Variants in AOAH observed in about 807,000 individuals in gnomAD.
AOAH encodes the protein acyloxyacyl hydrolase, also known as acyloxyacyl hydrolase (neutrophil).
AOAH carries 64 observed loss-of-function variants against 92.2 expected under a neutral mutation model. The observed-to-expected ratio is 0.69, with a 90% confidence interval of 0.57 to 0.86. The LOEUF is 0.86. AOAH is among the 40% of genes least tolerant of loss of function. The pLI is 0.00. For missense variants in AOAH, 656 were observed against 694.6 expected, an observed-to-expected ratio of 0.94 and a Z score of 0.62; for synonymous variants, 263 against 254.5, an observed-to-expected ratio of 1.03 and a Z score of -0.32.
At position 36,594,749 on chromosome 7, in the gene AOAH, A is replaced by G. The variant is rs368646687; in HGVS notation, c.847-319T>C. ...TCTTACATTTTCTGAGATTTTCTCC[A>G]TTTTGCAGTTTAGGCCATCAGAAAG... On this transcript the variant is annotated intron_variant, in intron 11 of 20. Transcript: ENST00000617537. 7.2e-5 allele frequency: 27 copies of G among 372,582 alleles called. No homozygotes were observed. The Middle Eastern group carries it at 1.8e-3, about 24-fold the overall frequency. 23.1% of individuals were successfully genotyped at this position (372,582 alleles called of 1,614,324 possible).
chr7:36,715,706 G>C (rs10233529), intron 1 of AOAH, among the ~76,000 whole-genome samples: 62,482 of 121,538 alleles, frequency 0.51, 16,715 homozygotes, highest in East Asian at 0.81. Flanking sequence ...ACAAACCTGA[G>C]AAAAACAGGC....
At chr7:36,522,221 G>T in intron 19 of AOAH, 106 bp from the exon 20 acceptor site, 1 of 967,416 alleles carries the variant, frequency 1.0e-6, no homozygotes, top group South Asian at 1.4e-5. Context: ...GGCCCATGTT[G>T]ACCAAGCCAC....
intron 11 of AOAH, among the ~76,000 whole-genome samples, chr7:36,600,908 T>G (rs1373073416): frequency 6.6e-6 from 1 of 152,172 alleles, no homozygotes; most frequent in African/African-American, 2.4e-5. Flanking sequence ...ATGGAGACCG[T>G]GTCTAATTTA....
At chr7:36,618,196 A>G (rs1170266023) in intron 10 of AOAH, 101 bp downstream of exon 10, 1 of 977,898 alleles carries the variant, frequency 1.0e-6, no homozygotes, top group Non-Finnish European at 1.6e-6. Flanking sequence ...AAATCCTAGC[A>G]TCAAGCACGT....
chr7:36,649,479 A>C (rs1794437674), intron 4 of AOAH, among the ~76,000 whole-genome samples: 1 of 152,216 alleles, frequency 6.6e-6, no homozygotes. Context: ...GGCGCTTGCA[A>C]CTTAGCTCAC....
chr7:36,517,262 C>CTCTTTCTT lies in AOAH; in HGVS notation c.1600-3890_1600-3883dup, dbSNP rs142858220. ...TCTCTCTCTTTCTTTCTGTGTCTCTCTCTTTCTTTCTTTCTTTCTTTCTTT... is the reference window on the plus strand; with the variant it reads ...TCTCTCTCTTTCTTTCTGTGTCTCTCTCTTTCTTTCTTTCTTTCTTTCTTTCTTTCTTT... On this transcript the variant is annotated intron_variant, in intron 20 of 20. Coordinates refer to ENST00000617537, the MANE Select transcript of AOAH (RefSeq NM_001637.4). 1.4e-3 allele frequency among the ~76,000 whole-genome samples: 187 copies of CTCTTTCTT among 132,686 alleles called. 5 individuals are homozygous for CTCTTTCTT. Among genetic ancestry groups the CTCTTTCTT allele is most frequent in the African/African-American group, 5.5e-3 (175 of 31,944 alleles). 87.0% of individuals were successfully genotyped at this position (132,686 alleles called of 152,430 possible). A position where few individuals can be genotyped will look rare whatever the true frequency, so the allele number is the denominator to read the frequency against.
At chr7:36,612,441 C>T (rs1791532470) in intron 11 of AOAH, among the ~76,000 whole-genome samples, 1 of 152,026 alleles carries the variant, frequency 6.6e-6, no homozygotes, top group African/African-American at 2.4e-5. Context: ...TTTTACATCC[C>T]CTATTTTTTG....
chr7:36,663,828 A>G (rs1373933007), intron 3 of AOAH, among the ~76,000 whole-genome samples: 1 of 152,188 alleles, frequency 6.6e-6, no homozygotes, highest in East Asian at 1.9e-4. Flanking sequence ...AGCGGTATGA[A>G]TCCTGGCTTG....
At chr7:36,621,005 C>T (rs959801763) in intron 8 of AOAH, among the ~76,000 whole-genome samples, 176 bp from the exon 9 acceptor site, 5 of 152,176 alleles carry the variant, frequency 3.3e-5, no homozygotes, top group African/African-American at 1.2e-4. Flanking sequence ...CATCAGAAGC[C>T]TCCATTCAGC....
intron 1 of AOAH, among the ~76,000 whole-genome samples, chr7:36,702,478 G>A (rs948624233): frequency 6.6e-6 from 1 of 152,116 alleles, no homozygotes; most frequent in Non-Finnish European, 1.5e-5. Flanking sequence ...AGCATTTTAA[G>A]TATGGGTATA....
chr7:36,622,655 A>G (rs1350759481), intron 7 of AOAH, among the ~76,000 whole-genome samples: 3 of 152,226 alleles, frequency 2.0e-5, no homozygotes, highest in Non-Finnish European at 4.4e-5. Context: ...CATAGCCCCC[A>G]TGGAGACTTC....
At chr7:36,639,046 C>T (rs553881426) in intron 4 of AOAH, among the ~76,000 whole-genome samples, 1 of 152,282 alleles carries the variant, frequency 6.6e-6, no homozygotes, top group South Asian at 2.1e-4. Context: ...TCCAACTGCA[C>T]CCAGTATCCA....
rs759588657 is a variant in AOAH at position 36,724,233 on chromosome 7, G to T, written c.-85C>A. The T allele has an allele frequency of 8.6e-6, 13 of 1,520,214 alleles. No individual in the cohort carries two copies. Among genetic ancestry groups the T allele is most frequent in the Admixed American group, 1.7e-5 (1 of 58,228 alleles). The allele number at this position is 1,520,214 out of a possible 1,614,324, so 94.2% of individuals were successfully genotyped here. On this transcript the variant is annotated 5_prime_UTR_variant, in exon 1 of 21. Coordinates refer to ENST00000617537, the MANE Select transcript of AOAH (RefSeq NM_001637.4). Reference sequence around the variant, plus strand: ...TGGAGCTGAGGCTGCAGAATCAATTGATCTCTCTCTCCTTCTCTTCCTCAC... The same window carrying T: ...TGGAGCTGAGGCTGCAGAATCAATTTATCTCTCTCTCCTTCTCTTCCTCAC...
At chr7:36,610,405 G>A (rs1791366975) in intron 11 of AOAH, among the ~76,000 whole-genome samples, 1 of 151,676 alleles carries the variant, frequency 6.6e-6, no homozygotes. Context: ...ACAAGGGGGA[G>A]TGCTGGAAAG....
chr7:36,532,494 C>T (rs1230912311), intron 16 of AOAH, 150 bp from the exon 17 acceptor site: 1 of 746,422 alleles, frequency 1.3e-6, no homozygotes, highest in Non-Finnish European at 2.3e-6. Flanking sequence ...TGAAGAATGC[C>T]TGTGCTTTCC....
At chr7:36,648,942 A>G (rs1794406780) in intron 4 of AOAH, among the ~76,000 whole-genome samples, 1 of 152,226 alleles carries the variant, frequency 6.6e-6, no homozygotes, top group Non-Finnish European at 1.5e-5. Flanking sequence ...TGTCAATTAT[A>G]CAACGTTACA....
At chr7:36,677,724 A>G (rs1210373066) in intron 2 of AOAH, among the ~76,000 whole-genome samples, 2 of 152,224 alleles carry the variant, frequency 1.3e-5, no homozygotes, top group Non-Finnish European at 2.9e-5. Flanking sequence ...CAGCTAATAG[A>G]TCAACAAACG....
At chr7:36,555,938 C>T (rs528074315) in intron 13 of AOAH, among the ~76,000 whole-genome samples, 73 of 152,248 alleles carry the variant, frequency 4.8e-4, no homozygotes, top group African/African-American at 1.7e-3. Context: ...AAACCAGCTC[C>T]TGGATTCATT....
At chr7:36,571,079 G>A (rs746848005) in intron 13 of AOAH, among the ~76,000 whole-genome samples, 11 of 152,126 alleles carry the variant, frequency 7.2e-5, no homozygotes, top group Non-Finnish European at 1.5e-4. Context: ...CCATTCTGCT[G>A]GGCATAGGGG....
Sources: gnomAD v4.1 joint callset for allele counts (sites outside exome capture counted in the v4.1 genomes callset) on GRCh38, gnomAD v4.1.1 for gene constraint, MANE v1.5 for transcripts, NCBI Gene and HGNC (gene_info 2026-07-23, HGNC 2026-07-21) for gene names.